Variants in EIF5A observed in about 807,000 individuals in gnomAD.
EIF5A encodes the protein eukaryotic translation initiation factor 5A.
In EIF5A, 1 loss-of-function variant was observed where a neutral mutation model predicts 16.6. The ratio of observed to expected loss-of-function variants is 0.06; its 90% CI spans 0.02 to 0.28. The LOEUF (loss-of-function observed/expected upper bound fraction) is 0.28, where lower values mean the gene tolerates loss of function less well. Among genes scored for constraint, EIF5A ranks in the 10% least tolerant of loss-of-function variants. The probability of loss-of-function intolerance (pLI) is 1.00; values close to 1 mark genes in which losing one functional copy is unlikely to be tolerated. For synonymous variants in EIF5A, 80 were observed against 73.6 expected, an observed-to-expected ratio of 1.09 and a Z score of -0.44; for missense variants, 29 against 196.1, an observed-to-expected ratio of 0.15 and a Z score of 5.09.
chr17:7,309,509 G>A, intron 1 of EIF5A, 106 bp from the exon 2 acceptor site: 2 of 1,430,454 alleles, frequency 1.4e-6, no homozygotes, highest in Non-Finnish European at 1.9e-6. Flanking sequence ...TTTTAGGTGG[G>A]TAATGGAATA....
intron 1 of EIF5A, 165 bp downstream of exon 1, chr17:7,307,917 G>T (rs1280655362): frequency 2.6e-5 from 26 of 984,484 alleles, no homozygotes; most frequent in Non-Finnish European, 3.1e-5. Context: ...GCGCGCCCCG[G>T]TTGGCGCGCG....
At chr17:7,307,595 T>A, upstream of EIF5A, 1 of 1,016,086 alleles carries the variant, frequency 9.8e-7, no homozygotes. Context: ...GTCATAGGGC[T>A]GCTTGGTTGG....
intron 3 of EIF5A, 45 bp from the exon 4 acceptor site, chr17:7,311,305 T>C (rs746123607): frequency 6.2e-7 from 1 of 1,613,584 alleles, no homozygotes; most frequent in Admixed American, 1.7e-5. Flanking sequence ...CATGTCAGCC[T>C]CCCTGGGCCT....
In EIF5A at chr17:7,312,014, C is replaced by T. The variant is rs558617932; in HGVS notation, c.*204C>T. ...CCTAGCTCCCTTGGCCAGGAGCGAG[C>T]GAAGCTGTGGCCTTGGTGAAGCTGC... On this transcript the variant is annotated 3_prime_UTR_variant, in exon 6 of 6. Coordinates refer to ENST00000336458, the MANE Select transcript of EIF5A (RefSeq NM_001970.5). The T allele has an allele frequency of 1.3e-4, 38 of 292,672 alleles. No homozygotes were observed. The highest frequency in any genetic ancestry group is 7.0e-4 in the African/African-American group (32 of 45,998). The allele number at this position is 292,672 out of a possible 1,614,324, so 18.1% of individuals were successfully genotyped here.
chr17:7,307,083 C>G (rs575429378), upstream of EIF5A: 18 of 1,603,406 alleles, frequency 1.1e-5, no homozygotes, highest in Non-Finnish European at 1.5e-5. Flanking sequence ...CAAGACAAGG[C>G]GCCCACCCCA....
chr17:7,310,242 C>G (rs755095820), intron 2 of EIF5A: 4 of 1,289,892 alleles, frequency 3.1e-6, no homozygotes, highest in Non-Finnish European at 4.0e-6. Context: ...TTCAGGTCAC[C>G]TTGCTGCTTC....
Position 7,311,964 on chromosome 17 carries a change from T to G in EIF5A, c.*154T>G. 2.3e-6 allele frequency: 1 copy of G among 438,226 alleles called. No individual in the cohort carries two copies. Among genetic ancestry groups the G allele is most frequent in the Non-Finnish European group, 4.3e-6 (1 of 230,550 alleles). 27.1% of individuals were successfully genotyped at this position (438,226 alleles called of 1,614,324 possible). A position where few individuals can be genotyped will look rare whatever the true frequency, so the allele number is the denominator to read the frequency against. On this transcript the variant is annotated 3_prime_UTR_variant, in exon 6 of 6. Transcript: ENST00000336458. ...ATTTTGGTTTTCCCCACCCCCTCAA[T>G]CTGTCGGGGAGCCCCTGCCCTTCAC...
chr17:7,307,426 C>T (rs920299706), upstream of EIF5A: 3 of 1,108,092 alleles, frequency 2.7e-6, no homozygotes, highest in African/African-American at 1.7e-5. Context: ...CTGCGCGTTG[C>T]AGATTAGTTG....
At chr17:7,310,733 G>A in intron 2 of EIF5A, 1 of 985,352 alleles carries the variant, frequency 1.0e-6, no homozygotes, top group South Asian at 4.7e-5. Context: ...CACTCCCCTA[G>A]ACTCTTAGCA....
intron 2 of EIF5A, 117 bp downstream of exon 2, chr17:7,309,917 G>A: frequency 1.2e-6 from 2 of 1,601,980 alleles, no homozygotes; most frequent in South Asian, 2.2e-5. Flanking sequence ...CTGTCTGATT[G>A]TTTTTGTTTA....
chr17:7,311,557 C>T lies in EIF5A; in HGVS notation c.403-21C>T, dbSNP rs751831938. On this transcript the variant is annotated intron_variant, in intron 4 of 5. Transcript: ENST00000336458. Reference sequence around the variant, plus strand: ...CTTCCTGAGCTCAGACATCTCTTGGCTATCCCTCTTGCTTCTCCAGATCAC... The same window carrying T: ...CTTCCTGAGCTCAGACATCTCTTGGTTATCCCTCTTGCTTCTCCAGATCAC... 3.1e-6 allele frequency: 5 copies of T among 1,614,202 alleles called. No homozygotes were observed. In the South Asian group the frequency reaches 3.3e-5, roughly 11 times the overall value.
chr17:7,311,433 C>T lies in EIF5A; in HGVS notation c.354C>T (p.Asp118=). 1.2e-6 allele frequency: 2 copies of T among 1,614,086 alleles called. No individual in the cohort carries two copies. The highest frequency in any genetic ancestry group is 1.7e-6 in the Non-Finnish European group (2 of 1,180,020). The change falls in exon 4 of 6, where the codon GAC becomes GAT. Residue 118 remains aspartate, a synonymous_variant. Transcript: ENST00000336458. ...AGGACCTTCGTCTCCCTGAGGGAGA[C>T]CTTGGCAAGGAGATTGAGCAGAAGT... ...VREDLRLPEG[D]LGKEIEQKYD... is the part of the protein sequence containing the mutation.
rs537393083 is a variant in EIF5A at position 7,310,425 on chromosome 17, A to G, written c.166-593A>G. 4.4e-4 allele frequency: 523 copies of G among 1,176,764 alleles called. 5 individuals are homozygous for G. The South Asian group carries it at 8.0e-3, about 18-fold the overall frequency. The allele number at this position is 1,176,764 out of a possible 1,614,324, so 72.9% of individuals were successfully genotyped here. ...CTTTTCCTGTCTCTTTAGAATTTCA[A>G]CCTGATTCGTTCTTGTTGAATTTCT... On this transcript the variant is annotated intron_variant, in intron 2 of 5. Coordinates refer to ENST00000336458, the MANE Select transcript of EIF5A (RefSeq NM_001970.5).
At chr17:7,308,684 A>G in intron 1 of EIF5A, 1 of 960,274 alleles carries the variant, frequency 1.0e-6, no homozygotes. Context: ...TAAAAGCCTC[A>G]GGCAGATGAG....
intron 1 of EIF5A, among the ~76,000 whole-genome samples, chr17:7,308,942 C>T (rs1161661991): frequency 6.6e-6 from 1 of 152,206 alleles, no homozygotes; most frequent in Non-Finnish European, 1.5e-5. Flanking sequence ...AGTGGGAGGG[C>T]CTTCCAGGAG....
intron 2 of EIF5A, chr17:7,310,804 T>C (rs753782066): frequency 6.1e-6 from 6 of 985,320 alleles, no homozygotes; most frequent in East Asian, 1.1e-4. Flanking sequence ...TCTATTGTGC[T>C]GTCAACCCCA....
At chr17:7,311,683 C>T in intron 5 of EIF5A, 32 bp downstream of exon 5, 1 of 1,613,148 alleles carries the variant, frequency 6.2e-7, no homozygotes, top group Non-Finnish European at 8.5e-7. Flanking sequence ...CTGTCCCCTT[C>T]ACATTTTGTT....
intron 2 of EIF5A, 126 bp downstream of exon 2, chr17:7,309,926 T>A (rs1567611983): frequency 3.2e-6 from 5 of 1,586,450 alleles, no homozygotes; most frequent in Non-Finnish European, 4.3e-6. Context: ...TGTTTTTGTT[T>A]AGCGCTCAGC....
chr17:7,308,030 G>A (rs978183049), intron 1 of EIF5A: 10 of 985,392 alleles, frequency 1.0e-5, no homozygotes, highest in East Asian at 1.1e-4. Context: ...CGGCCACGCC[G>A]GGGCGAGGGC....
Sources: allele counts gnomAD v4.1 joint callset (sites outside exome capture counted in the v4.1 genomes callset), GRCh38; gene constraint gnomAD v4.1.1; transcripts MANE v1.5; gene names NCBI Gene and HGNC (gene_info 2026-07-23, HGNC 2026-07-21).